The following CHSY1 variants were observed in gnomAD, a reference collection of about 807,000 sequenced individuals.
The protein encoded by CHSY1 is N-acetylgalactosaminyl-proteoglycan 3-beta-glucuronosyltransferase 1.
A neutral mutation model predicts 59.8 loss-of-function variants in CHSY1; 13 were observed. The ratio of observed to expected loss-of-function variants is 0.22; its 90% CI spans 0.14 to 0.35. The LOEUF (loss-of-function observed/expected upper bound fraction) is 0.35. CHSY1 is among the 10% of genes least tolerant of loss of function. The pLI is 1.00. For missense variants in CHSY1, 947 were observed against 1,030.6 expected, an observed-to-expected ratio of 0.92 and a Z score of 1.11; for synonymous variants, 459 against 401.2, an observed-to-expected ratio of 1.14 and a Z score of -1.72.
chr15:101,249,879 G>C (rs1041188622), intron 1 of CHSY1, among the ~76,000 whole-genome samples: 3 of 152,182 alleles, frequency 2.0e-5, no homozygotes, highest in Non-Finnish European at 4.4e-5. Context: ...ACCCTTCCTG[G>C]CGGAATGTGG....
intron 1 of CHSY1, among the ~76,000 whole-genome samples, chr15:101,247,928 C>G (rs2039067454): frequency 1.3e-5 from 2 of 152,122 alleles, no homozygotes; most frequent in Non-Finnish European, 2.9e-5. Flanking sequence ...GAAGAGGTTG[C>G]TAGCTACTAG....
intron 2 of CHSY1, among the ~76,000 whole-genome samples, chr15:101,212,370 A>G (rs867361862): frequency 1.3e-5 from 2 of 152,350 alleles, no homozygotes; most frequent in Middle Eastern, 3.4e-3. Flanking sequence ...GTTCAAGAGT[A>G]GTCAAAGCAA....
intron 1 of CHSY1, among the ~76,000 whole-genome samples, chr15:101,249,804 G>A (rs181285938): frequency 1.3e-5 from 2 of 152,198 alleles, no homozygotes; most frequent in East Asian, 1.9e-4. Context: ...CGTGAGCCAC[G>A]GCGCCCCGCC....
intron 2 of CHSY1, among the ~76,000 whole-genome samples, chr15:101,224,174 C>G (rs200682080): frequency 1.7e-4 from 26 of 152,282 alleles, no homozygotes; most frequent in East Asian, 1.4e-3. Flanking sequence ...GTTTATACAA[C>G]AAAATCACCT....
At chr15:101,197,987 T>C (rs1408407264) in intron 2 of CHSY1, among the ~76,000 whole-genome samples, 2 of 152,152 alleles carry the variant, frequency 1.3e-5, no homozygotes, top group Non-Finnish European at 2.9e-5. Context: ...AGGATTTGTT[T>C]CCGTCACGTC....
intron 1 of CHSY1, among the ~76,000 whole-genome samples, chr15:101,238,150 A>G (rs957233105): frequency 1.3e-5 from 2 of 152,184 alleles, no homozygotes; most frequent in Admixed American, 6.5e-5. Flanking sequence ...TTTTTAAAAA[A>G]AATTGTGATA....
intron 2 of CHSY1, among the ~76,000 whole-genome samples, chr15:101,221,216 G>A (rs1166565778): frequency 6.6e-6 from 1 of 152,276 alleles, no homozygotes; most frequent in Non-Finnish European, 1.5e-5. Context: ...TTAACAGGCC[G>A]GGTGCGGTGG....
intron 1 of CHSY1, among the ~76,000 whole-genome samples, chr15:101,247,707 G>GT (rs1380814075): frequency 6.6e-6 from 1 of 152,058 alleles, no homozygotes; most frequent in Non-Finnish European, 1.5e-5. Context: ...TGAAAAATCT[G>GT]TTTCTTGTCT....
rs146982845 is a variant in CHSY1, at chr15:101,184,985, G to A, written c.817-6005C>T. On this transcript the variant is annotated intron_variant, in intron 2 of 2. Transcript: ENST00000254190. ...CTCCCTTTCTAAAAGAGGGTGATGC[G>A]GGTTTAAGCAACAGGTGAGCAGACA... Among the ~76,000 whole-genome samples, 4 of 152,290 alleles carry A rather than the reference G, an allele frequency of 2.6e-5. 1 individual carries two copies. Among genetic ancestry groups the A allele is most frequent in the Middle Eastern group, 6.8e-3 (2 of 294 alleles).
chr15:101,234,700 C>G (rs1230832116), intron 2 of CHSY1, among the ~76,000 whole-genome samples: 1 of 152,154 alleles, frequency 6.6e-6, no homozygotes, highest in Non-Finnish European at 1.5e-5. Flanking sequence ...AACCTCGTCT[C>G]TACTAAGAAT....
chr15:101,188,962 T>C (rs562561546), intron 2 of CHSY1, among the ~76,000 whole-genome samples: 2 of 151,262 alleles, frequency 1.3e-5, no homozygotes, highest in Non-Finnish European at 2.9e-5. Flanking sequence ...AAAAATGAAG[T>C]GGCAGACGTG....
intron 2 of CHSY1, among the ~76,000 whole-genome samples, chr15:101,190,327 A>G (rs2038427512): frequency 6.6e-6 from 1 of 152,228 alleles, no homozygotes; most frequent in South Asian, 2.1e-4. Flanking sequence ...TTCCCAGGGA[A>G]GCAATATGAA....
chr15:101,238,095 T>C (rs1423831019), intron 1 of CHSY1, among the ~76,000 whole-genome samples: 1 of 152,214 alleles, frequency 6.6e-6, no homozygotes, highest in Non-Finnish European at 1.5e-5. Context: ...TTTTATTCTA[T>C]GCATCTCTAT....
At chr15:101,194,439 A>G (rs1363964142) in intron 2 of CHSY1, among the ~76,000 whole-genome samples, 1 of 152,248 alleles carries the variant, frequency 6.6e-6, no homozygotes, top group Non-Finnish European at 1.5e-5. Context: ...ATGATATTTC[A>G]CAATTGCATT....
At chr15:101,192,522 C>T (rs1018568769) in intron 2 of CHSY1, among the ~76,000 whole-genome samples, 1 of 152,160 alleles carries the variant, frequency 6.6e-6, no homozygotes, top group South Asian at 2.1e-4. Flanking sequence ...ACTCCCCCCA[C>T]TCCCAAACAA....
chr15:101,184,882 T>G (rs942916678), intron 2 of CHSY1, among the ~76,000 whole-genome samples: 1 of 152,198 alleles, frequency 6.6e-6, no homozygotes, highest in African/African-American at 2.4e-5. Flanking sequence ...ACAGAGAAGT[T>G]CCTACCTGAC....
At chr15:101,206,671 T>C (rs1014999691) in intron 2 of CHSY1, among the ~76,000 whole-genome samples, 2 of 152,258 alleles carry the variant, frequency 1.3e-5, no homozygotes, top group African/African-American at 4.8e-5. Context: ...ATTAATAGGC[T>C]ACAGAGAAGA....
intron 2 of CHSY1, among the ~76,000 whole-genome samples, chr15:101,211,937 GTAGGTGGCTTAAAGACAGGAGA>G (rs1449645951): frequency 6.8e-6 from 1 of 146,106 alleles, no homozygotes; most frequent in Non-Finnish European, 1.5e-5. Flanking sequence ...AAAAAAAAAA[GTAGGTGGCTTAAAGACAGGAGA>G]ACAACTTCAA....
At chr15:101,186,850 C>T (rs2038376441) in intron 2 of CHSY1, 1 of 152,262 alleles carries the variant, frequency 6.6e-6, no homozygotes, top group South Asian at 2.1e-4. Flanking sequence ...AGACAAAAAA[C>T]ACAAAAAAGT....
Sources: gnomAD v4.1 joint callset for allele counts (sites outside exome capture counted in the v4.1 genomes callset) on GRCh38, gnomAD v4.1.1 for gene constraint, MANE v1.5 for transcripts, NCBI Gene and HGNC (gene_info 2026-07-23, HGNC 2026-07-21) for gene names.